The following EML1 variants were observed in gnomAD, a reference collection of about 807,000 sequenced individuals.
EML1 encodes the protein EMAP like 1.
In EML1, 27 loss-of-function variants were observed where a neutral mutation model predicts 110.4. The observed-to-expected ratio is 0.24, with a 90% CI of 0.18 to 0.34. The LOEUF (loss-of-function observed/expected upper bound fraction) is 0.34, where lower values mean the gene tolerates loss of function less well. Ranked by LOEUF, EML1 falls within the 10% of genes least tolerant of loss-of-function variation. The pLI is 1.00. For missense variants in EML1, 741 were observed against 1,030.9 expected (o/e 0.72, Z 3.85); for synonymous variants, 344 against 385.8 (o/e 0.89, Z 1.27).
intron 1 of EML1, among the ~76,000 whole-genome samples, chr14:99,752,378 A>G (rs979696497): frequency 2.0e-4 from 31 of 152,350 alleles, no homozygotes; most frequent in Non-Finnish European, 3.8e-4. Context: ...GCCGGGCGGA[A>G]TGCAGGACGT....
chr14:99,931,412 G>A (rs1329279071), intron 17 of EML1, among the ~76,000 whole-genome samples: 2 of 152,220 alleles, frequency 1.3e-5, no homozygotes, highest in Admixed American at 6.5e-5. Flanking sequence ...CTGCTGAGGC[G>A]CTGTTGGGCT....
chr14:99,836,991 AT>A (rs35306819), intron 1 of EML1, among the ~76,000 whole-genome samples: 1,560 of 141,424 alleles, frequency 0.011, 15 homozygotes, highest in African/African-American at 0.023. Flanking sequence ...AATTGTTCTA[AT>A]TTTTTTTTTT....
Position 99,920,855 on chromosome 14 carries a change from C to T in EML1, c.1887C>T (p.Leu629=), listed in dbSNP as rs184159944. The T allele has an allele frequency of 3.1e-6, 5 of 1,613,778 alleles. No individual in the cohort carries two copies. The African/African-American group carries it at 6.7e-5, about 22-fold the overall frequency. ...TTCACACAGATGGAAACGAACAGCT[C>T]TCTGTAATGCGATACTCACCAGGTT... is the stretch of plus-strand genomic sequence containing the variant. ...VTVHTDGNEQ[L]SVMRYSPDGN... is the part of the protein sequence containing the mutation. Residue 629 remains leucine, a synonymous_variant, in exon 17 of 22, where the codon CTC becomes CTT. Transcript: ENST00000262233.
intron 1 of EML1, chr14:99,809,334 TTTTA>T (rs551427319): frequency 6.9e-5 from 11 of 159,394 alleles, no homozygotes; most frequent in Non-Finnish European, 1.5e-4. Flanking sequence ...TTGTTTTTTA[TTTTA>T]TTTATTTATT....
intron 17 of EML1, among the ~76,000 whole-genome samples, chr14:99,934,681 G>A (rs2060435926): frequency 6.6e-6 from 1 of 152,212 alleles, no homozygotes; most frequent in Non-Finnish European, 1.5e-5. Flanking sequence ...AGAGACCCCT[G>A]CTACCCTGCA....
intron 7 of EML1, 56 bp from the exon 8 acceptor site, chr14:99,898,177 G>T: frequency 1.4e-6 from 2 of 1,450,132 alleles, no homozygotes; most frequent in East Asian, 2.5e-5. Flanking sequence ...TTTGAGCAAG[G>T]GAAAAGTAAA....
At chr14:99,875,018 A>G (rs368922869) in intron 3 of EML1, 71 of 1,605,722 alleles carry the variant, frequency 4.4e-5, no homozygotes, top group Admixed American at 1.0e-4. Context: ...CTTTGTCACC[A>G]TAGCTGTTCC....
upstream of EML1, among the ~76,000 whole-genome samples, chr14:99,791,054 G>A (rs1316783691): frequency 2.0e-5 from 3 of 151,870 alleles, no homozygotes; most frequent in South Asian, 2.1e-4. Context: ...TAGAGACGGG[G>A]TTTCCCATGT....
At chr14:99,927,803 GGGGGGTGGGGGGGTGGT>G (rs2060265195) in intron 17 of EML1, among the ~76,000 whole-genome samples, 1 of 64,232 alleles carries the variant, frequency 1.6e-5, no homozygotes, top group African/African-American at 7.4e-5. Flanking sequence ...TTGGTGGTGG[GGGGGGTGGGGGGGTGGT>G]GGTGGTGGTG....
chr14:99,768,201 G>A (rs979822049), upstream of EML1, among the ~76,000 whole-genome samples: 8 of 152,226 alleles, frequency 5.3e-5, no homozygotes, highest in Admixed American at 3.3e-4. Context: ...AAGCATAAAG[G>A]TGTGTCTTAG....
intron 2 of EML1, among the ~76,000 whole-genome samples, chr14:99,856,555 G>T (rs1308808856): frequency 2.6e-5 from 4 of 152,090 alleles, no homozygotes; most frequent in Non-Finnish European, 5.9e-5. Context: ...TTTTTCTCTT[G>T]TCTACTGCAC....
At chr14:99,753,717 C>T (rs1239899968) in intron 1 of EML1, among the ~76,000 whole-genome samples, 4 of 152,206 alleles carry the variant, frequency 2.6e-5, no homozygotes, top group African/African-American at 9.6e-5. Flanking sequence ...ATAGTAGGTG[C>T]TCAGTGGGGG....
chr14:99,739,894 C>T (rs1046583548), intron 1 of EML1, among the ~76,000 whole-genome samples: 4 of 152,128 alleles, frequency 2.6e-5, no homozygotes, highest in African/African-American at 9.7e-5. Flanking sequence ...TGGGAACATT[C>T]TCAGCTCTCC....
chr14:99,928,881 G>A (rs1264155724), intron 17 of EML1, among the ~76,000 whole-genome samples: 2 of 152,182 alleles, frequency 1.3e-5, no homozygotes, highest in Non-Finnish European at 2.9e-5. Flanking sequence ...GCTTGACTTG[G>A]AATGCCTTTC....
intron 1 of EML1, among the ~76,000 whole-genome samples, chr14:99,835,284 CT>C (rs1246654707): frequency 6.6e-6 from 1 of 151,834 alleles, no homozygotes; most frequent in Non-Finnish European, 1.5e-5. Flanking sequence ...TTTCTTTATC[CT>C]TTTGATATCT....
intron 1 of EML1, among the ~76,000 whole-genome samples, chr14:99,831,848 A>AT (rs59292789): frequency 0.041 from 5,778 of 142,114 alleles, 149 homozygotes; most frequent in African/African-American, 0.06. Context: ...GAATGATGGG[A>AT]TTTTTTTTTT....
Position 99,851,042 on chromosome 14 carries a change from G to A in EML1, c.250+7G>A, listed in dbSNP as rs371252270. The A allele has an allele frequency of 6.3e-5, 101 of 1,604,792 alleles. No individual in the cohort carries two copies. The highest frequency in any genetic ancestry group is 2.0e-4 in the East Asian group (9 of 44,650). On this transcript the variant is annotated splice_region_variant and intron_variant, in intron 2 of 21. Transcript: ENST00000262233. ...AGGAAAGGACCTACCAAAGGTGGGC[G>A]TTTGAGTGACACAGGAACTTCAGTA...
intron 1 of EML1, among the ~76,000 whole-genome samples, chr14:99,794,971 T>G (rs112249456): frequency 6.6e-6 from 1 of 152,200 alleles, no homozygotes; most frequent in South Asian, 2.1e-4. Flanking sequence ...CAATCATATT[T>G]GAATTATTGT....
intron 2 of EML1, among the ~76,000 whole-genome samples, chr14:99,858,438 G>C (rs183604684): frequency 6.9e-4 from 105 of 152,158 alleles, no homozygotes; most frequent in Non-Finnish European, 1.1e-3. Flanking sequence ...ACCCACCTCG[G>C]CCTCCCAAAG....
Sources: allele counts gnomAD v4.1 joint callset (sites outside exome capture counted in the v4.1 genomes callset), GRCh38; gene constraint gnomAD v4.1.1; transcripts MANE v1.5; gene names NCBI Gene and HGNC (gene_info 2026-07-23, HGNC 2026-07-21).